Variants in HSDL1 observed in about 807,000 individuals in gnomAD.
HSDL1 encodes inactive hydroxysteroid dehydrogenase-like protein 1.
A neutral mutation model predicts 31.5 loss-of-function variants in HSDL1; 29 were observed. That is an observed-to-expected ratio of 0.92 (90% CI 0.69 to 1.26). HSDL1 has a LOEUF of 1.26. HSDL1 is among the 50% of genes most tolerant of loss of function. HSDL1 has a pLI of 0.00. For missense variants in HSDL1, 503 were observed against 416.6 expected (o/e 1.21, Z -1.81); for synonymous variants, 222 against 155.2 (o/e 1.43, Z -3.20).
intron 1 of HSDL1, among the ~76,000 whole-genome samples, chr16:84,142,537 G>T (rs186054619): frequency 7.1e-6 from 1 of 140,578 alleles, no homozygotes; most frequent in South Asian, 2.3e-4. Flanking sequence ...CCAAGTTCAA[G>T]CAATTCTTCT....
chr16:84,129,677 C>T lies in HSDL1; in HGVS notation c.765G>A (p.Met255Ile). The change falls in exon 5 of 6, where the codon ATG becomes ATA. Residue 255 changes from methionine to isoleucine, a missense_variant. Physicochemically the swap from Met to Ile is conservative, Grantham distance 10. Transcript: ENST00000219439. ...SLIPFYVATSMTAPSNFLHRC... is the reference protein window; with the variant it reads ...SLIPFYVATSITAPSNFLHRC... ...TGTGCAGAAAGTTGCTGGGTGCTGTCATGCTGGTGGCTACATAGAAAGGGA... is the reference window on the plus strand; with the variant it reads ...TGTGCAGAAAGTTGCTGGGTGCTGTTATGCTGGTGGCTACATAGAAAGGGA... 2 of 1,614,154 alleles carry T rather than the reference C, an allele frequency of 1.2e-6. No individual in the cohort carries two copies. The highest frequency in any genetic ancestry group is 1.7e-6 in the Non-Finnish European group (2 of 1,180,016).
At chr16:84,127,220 T>C (rs1488287703) in intron 5 of HSDL1, among the ~76,000 whole-genome samples, 1 of 113,298 alleles carries the variant, frequency 8.8e-6, no homozygotes. Context: ...TTTTTTTTTT[T>C]TTTTTTTTTT....
chr16:84,122,919 C>A lies in HSDL1; in HGVS notation c.*1711G>T, dbSNP rs1274624508. 1.3e-5 allele frequency: 2 copies of A among 152,296 alleles called. No individual in the cohort carries two copies. The highest frequency in any genetic ancestry group is 3.9e-4 in the East Asian group (2 of 5,186). The allele number at this position is 152,296 out of a possible 1,614,324, so 9.4% of individuals were successfully genotyped here. ...TCACGTAACACTGATGGATTCCATA[C>A]CTAATTTATCAATCTAAGACATTAC... On this transcript the variant is annotated 3_prime_UTR_variant, in exon 6 of 6. Coordinates refer to ENST00000219439, the MANE Select transcript of HSDL1 (RefSeq NM_031463.5).
At chr16:84,127,943 T>C (rs1210103369) in intron 5 of HSDL1, among the ~76,000 whole-genome samples, 1 of 150,020 alleles carries the variant, frequency 6.7e-6, no homozygotes, top group Admixed American at 6.6e-5. Flanking sequence ...ATGGTCTCGA[T>C]CTCCTGACCT....
At chr16:84,139,595 T>G (rs1268554162) in intron 1 of HSDL1, among the ~76,000 whole-genome samples, 2 of 152,184 alleles carry the variant, frequency 1.3e-5, no homozygotes, top group East Asian at 3.9e-4. Flanking sequence ...CTGTGTCATT[T>G]TAAGCCACTA....
chr16:84,140,440 T>C (rs2086755906), intron 1 of HSDL1, among the ~76,000 whole-genome samples: 2 of 152,038 alleles, frequency 1.3e-5, no homozygotes, highest in Non-Finnish European at 2.9e-5. Flanking sequence ...AATTTTTGTA[T>C]TTTTAGTAGA....
chr16:84,123,604 C>T lies in HSDL1; in HGVS notation c.*1026G>A, dbSNP rs1436818744. The T allele has an allele frequency of 6.5e-6, 1 of 152,716 alleles. No individual in the cohort carries two copies. The highest frequency in any genetic ancestry group is 1.5e-5 in the Non-Finnish European group (1 of 68,040). 9.5% of individuals were successfully genotyped at this position (152,716 alleles called of 1,614,324 possible). ...CTAACTTATATTGACAGATATGTCA[C>T]ACACGTAATTTGTCCATATTTTACT... is the stretch of plus-strand genomic sequence containing the variant. On this transcript the variant is annotated 3_prime_UTR_variant, in exon 6 of 6. Transcript: ENST00000219439.
chr16:84,139,913 A>C lies in HSDL1; in HGVS notation c.-68-4308T>G, dbSNP rs185801844. On this transcript the variant is annotated intron_variant, in intron 1 of 5. Coordinates refer to ENST00000219439, the MANE Select transcript of HSDL1 (RefSeq NM_031463.5). Reference sequence around the variant, plus strand: ...GAAAACATTTTTCCAAATAAATCTTAATTTTTTCAGAGTGTGAATCTGTCT... The same window carrying C: ...GAAAACATTTTTCCAAATAAATCTTCATTTTTTCAGAGTGTGAATCTGTCT... 1.8e-4 allele frequency among the ~76,000 whole-genome samples: 27 copies of C among 152,178 alleles called. No individual in the cohort carries two copies. The East Asian group carries it at 5.2e-3, about 29-fold the overall frequency.
At chr16:84,125,786 T>C (rs1469273393) in intron 5 of HSDL1, among the ~76,000 whole-genome samples, 4 of 152,228 alleles carry the variant, frequency 2.6e-5, no homozygotes, top group East Asian at 1.9e-4. Flanking sequence ...TAACGTGATA[T>C]GAACAAAATG....
Position 84,130,190 on chromosome 16 carries a change from C to G in HSDL1, c.462G>C (p.Val154=). 1 of 1,614,210 alleles carries G rather than the reference C, an allele frequency of 6.2e-7. No homozygotes were observed. Among genetic ancestry groups the G allele is most frequent in the Non-Finnish European group, 8.5e-7 (1 of 1,180,038 alleles). The part of the protein sequence containing the change: ...DVGILVNNVG[V]FYPYPQYFTQ... The stretch of plus-strand genomic sequence containing the variant: ...TGAAATACTGCGGGTAGGGATAAAA[C>G]ACACCCACGTTATTTACCAAGATGC... Residue 154 remains valine (V), a synonymous_variant, in exon 4 of 6, where the codon GTG becomes GTC. Transcript: ENST00000219439.
At position 84,132,797 on chromosome 16, in the gene HSDL1, T is replaced by A. The variant is rs891684572; in HGVS notation, c.-6-1470A>T. Among the ~76,000 whole-genome samples, 3 of 152,146 alleles carry A rather than the reference T, an allele frequency of 2.0e-5. No individual in the cohort carries two copies. In the East Asian group the frequency reaches 5.8e-4, roughly 29 times the overall value. ...TATCAGGCTAAACCAACCGTGTGCA[T>A]CCTGCGAAAGACAAAATATCAAAAC... is the stretch of plus-strand genomic sequence containing the variant. On this transcript the variant is annotated intron_variant, in intron 2 of 5. Coordinates refer to ENST00000219439, the MANE Select transcript of HSDL1 (RefSeq NM_031463.5).
intron 1 of HSDL1, among the ~76,000 whole-genome samples, chr16:84,138,683 T>C (rs1462053796): frequency 6.6e-6 from 1 of 152,190 alleles, no homozygotes; most frequent in African/African-American, 2.4e-5. Flanking sequence ...TGCAGAAAAC[T>C]AAAACATCTG....
chr16:84,137,816 A>G (rs1024515761), intron 1 of HSDL1, among the ~76,000 whole-genome samples: 1 of 152,270 alleles, frequency 6.6e-6, no homozygotes, highest in East Asian at 1.9e-4. Flanking sequence ...GAAACTTTCA[A>G]AGGAATTTAT....
rs1396573691 is a variant in HSDL1 at position 84,141,099 on chromosome 16, A to AAAAAAAAAAAAAAAAAAC, written c.-69+3980_-69+3981insGTTTTTTTTTTTTTTTTT. 1.0e-3 allele frequency among the ~76,000 whole-genome samples: 155 copies of AAAAAAAAAAAAAAAAAAC among 151,296 alleles called. 1 individual carries two copies. The highest frequency in any genetic ancestry group is 3.7e-3 in the African/African-American group (151 of 40,580). On this transcript the variant is annotated intron_variant, in intron 1 of 5. Transcript: ENST00000219439. Reference sequence around the variant, plus strand: ...GAACGAGACTCCGTCTCAAACAAAAAAAAAAACAGTATTGCTAAGTTTCGC... The same window carrying AAAAAAAAAAAAAAAAAAC: ...GAACGAGACTCCGTCTCAAACAAAAAAAAAAAAAAAAAAAAAACAAAAAACAGTATTGCTAAGTTTCGC...
At chr16:84,144,873 C>G (rs925359830) in intron 1 of HSDL1, among the ~76,000 whole-genome samples, 1 of 150,776 alleles carries the variant, frequency 6.6e-6, no homozygotes. Flanking sequence ...GAAGGAGTCT[C>G]ACGGGACGGA....
intron 1 of HSDL1, among the ~76,000 whole-genome samples, chr16:84,142,021 G>A (rs369183992): frequency 3.6e-4 from 55 of 151,816 alleles, no homozygotes; most frequent in Middle Eastern, 3.4e-3. Flanking sequence ...TCCGCCTTCC[G>A]GGCTCAAGCC....
In HSDL1 at chr16:84,130,452, A is replaced by C. The variant is rs145315357; in HGVS notation, c.221-21T>G. The C allele has an allele frequency of 2.6e-3, 4,173 of 1,584,626 alleles. 10 individuals carry two copies. The highest frequency in any genetic ancestry group is 3.6e-3 in the Admixed American group (210 of 57,774). On this transcript the variant is annotated intron_variant, in intron 3 of 5. Coordinates refer to ENST00000219439, the MANE Select transcript of HSDL1 (RefSeq NM_031463.5). ...TGCACCTAGGATGCAAGTCAGGAAAAGTGAGCATGTGTATTTCACGGTGTG... is the reference window on the plus strand; with the variant it reads ...TGCACCTAGGATGCAAGTCAGGAAACGTGAGCATGTGTATTTCACGGTGTG...
At chr16:84,126,672 G>A (rs541954046) in intron 5 of HSDL1, among the ~76,000 whole-genome samples, 6 of 152,106 alleles carry the variant, frequency 3.9e-5, no homozygotes, top group Non-Finnish European at 7.3e-5. Flanking sequence ...TGATAATAGA[G>A]GTCATTCAAT....
At chr16:84,133,149 C>A (rs1169080207) in intron 2 of HSDL1, among the ~76,000 whole-genome samples, 1 of 151,782 alleles carries the variant, frequency 6.6e-6, no homozygotes, top group East Asian at 1.9e-4. Flanking sequence ...AACAAATGAA[C>A]CACTGAAACG....
Sources: allele counts gnomAD v4.1 joint callset (sites outside exome capture counted in the v4.1 genomes callset), GRCh38; gene constraint gnomAD v4.1.1; transcripts MANE v1.5; gene names NCBI Gene and HGNC (gene_info 2026-07-23, HGNC 2026-07-21).